ASAP1: variants seen among roughly 807,000 people sequenced by gnomAD.
The protein encoded by ASAP1 is ArfGAP with SH3 domain, ankyrin repeat and PH domain 1, also known as arf-GAP with SH3 domain, ANK repeat and PH domain-containing protein 1.
In ASAP1, 43 loss-of-function variants were observed where a neutral mutation model predicts 145.2. That is an observed-to-expected ratio of 0.30 (90% CI 0.23 to 0.38). ASAP1 has a LOEUF of 0.38. Ranked by LOEUF, ASAP1 falls within the 10% of genes least tolerant of loss-of-function variation. The pLI, the probability that ASAP1 is intolerant of heterozygous loss-of-function variation, is 1.00. For synonymous variants in ASAP1, 546 were observed against 515.5 expected (o/e 1.06, Z -0.80); for missense variants, 1,018 against 1,355.3 (o/e 0.75, Z 3.91).
At chr8:130,263,523 G>A (rs1820065038) in intron 3 of ASAP1, among the ~76,000 whole-genome samples, 1 of 152,336 alleles carries the variant, frequency 6.6e-6, no homozygotes, top group Admixed American at 6.5e-5. Flanking sequence ...GAGACACCAG[G>A]AGGTGGCTGG....
intron 12 of ASAP1, among the ~76,000 whole-genome samples, chr8:130,155,346 C>T (rs1364591913): frequency 1.3e-5 from 2 of 152,168 alleles, no homozygotes; most frequent in Non-Finnish European, 2.9e-5. Context: ...TCTCCTGGCA[C>T]AGTTGAGAGC....
At chr8:130,065,300 C>T (rs1357798984) in intron 27 of ASAP1, among the ~76,000 whole-genome samples, 4 of 152,276 alleles carry the variant, frequency 2.6e-5, no homozygotes, top group South Asian at 2.1e-4. Context: ...GGGGGTGTGT[C>T]GCCCTCCCGG....
intron 2 of ASAP1, among the ~76,000 whole-genome samples, chr8:130,360,003 G>A (rs1446006502): frequency 6.6e-6 from 1 of 152,220 alleles, no homozygotes; most frequent in Non-Finnish European, 1.5e-5. Context: ...CAGGGATCTT[G>A]TCTTAGCCTT....
intron 18 of ASAP1, among the ~76,000 whole-genome samples, chr8:130,122,833 T>G (rs2135699961): frequency 6.6e-6 from 1 of 152,322 alleles, no homozygotes; most frequent in South Asian, 2.1e-4. Context: ...GCTTCCCACA[T>G]GAGAAACAGG....
chr8:130,066,394 A>ATC (rs1421495643), intron 27 of ASAP1, among the ~76,000 whole-genome samples: 3 of 152,178 alleles, frequency 2.0e-5, no homozygotes, highest in Admixed American at 6.5e-5. Context: ...CTAATTAAAT[A>ATC]GAGACAGGGT....
At chr8:130,327,417 T>C (rs557120981) in intron 3 of ASAP1, among the ~76,000 whole-genome samples, 195 of 152,264 alleles carry the variant, frequency 1.3e-3, no homozygotes, top group Middle Eastern at 0.01. Flanking sequence ...TATGGTGTGA[T>C]AGCAGCTCTA....
intron 11 of ASAP1, chr8:130,163,221 G>C: frequency 6.6e-6 from 1 of 152,138 alleles, no homozygotes; most frequent in Non-Finnish European, 1.5e-5. Flanking sequence ...CTTAACCTTT[G>C]CTAACCTTTA....
intron 2 of ASAP1, among the ~76,000 whole-genome samples, chr8:130,376,698 C>T (rs1028958093): frequency 1.4e-4 from 21 of 151,908 alleles, no homozygotes; most frequent in Admixed American, 1.2e-3. Context: ...AGCACTCCAG[C>T]CTGGCAACAG....
intron 2 of ASAP1, among the ~76,000 whole-genome samples, chr8:130,360,120 G>A (rs184613484): frequency 2.0e-5 from 3 of 152,288 alleles, no homozygotes; most frequent in Admixed American, 6.5e-5. Flanking sequence ...TAATGCCAAG[G>A]CCCCTGCTCT....
At chr8:130,295,081 T>C (rs373841964) in intron 3 of ASAP1, among the ~76,000 whole-genome samples, 2 of 152,244 alleles carry the variant, frequency 1.3e-5, no homozygotes, top group African/African-American at 4.8e-5. Flanking sequence ...CTGGGCAATA[T>C]AGCGCAACCC....
intron 15 of ASAP1, among the ~76,000 whole-genome samples, chr8:130,131,603 GAAAAAAAAAA>G (rs1159191172): frequency 1.6e-5 from 1 of 63,106 alleles, no homozygotes; most frequent in Admixed American, 1.9e-4. Flanking sequence ...CATGGCTACT[GAAAAAAAAAA>G]AAAAAAAAAA....
intron 2 of ASAP1, among the ~76,000 whole-genome samples, chr8:130,389,114 T>C (rs540213705): frequency 1.3e-5 from 2 of 152,112 alleles, no homozygotes; most frequent in South Asian, 2.1e-4. Flanking sequence ...CATTAGCTAT[T>C]AGTATTGTTG....
intron 13 of ASAP1, among the ~76,000 whole-genome samples, chr8:130,150,452 C>A (rs1245505642): frequency 6.6e-6 from 1 of 152,194 alleles, no homozygotes; most frequent in African/African-American, 2.4e-5. Flanking sequence ...ACAGCAGATT[C>A]CTAAGAAAAG....
intron 3 of ASAP1, among the ~76,000 whole-genome samples, chr8:130,337,400 C>G (rs1052824707): frequency 6.6e-6 from 1 of 152,150 alleles, no homozygotes; most frequent in African/African-American, 2.4e-5. Flanking sequence ...ATCAAGGCAA[C>G]TTTTTGCTTT....
intron 2 of ASAP1, among the ~76,000 whole-genome samples, chr8:130,380,952 C>T (rs1441757396): frequency 6.6e-6 from 1 of 152,052 alleles, no homozygotes; most frequent in African/African-American, 2.4e-5. Flanking sequence ...TGGCGTGATC[C>T]TGGCTCACTG....
At chr8:130,335,309 CCTCA>C (rs978051004) in intron 3 of ASAP1, among the ~76,000 whole-genome samples, 2 of 152,158 alleles carry the variant, frequency 1.3e-5, no homozygotes, top group African/African-American at 4.8e-5. Flanking sequence ...TTCATGTAAT[CCTCA>C]CTGTCATTCA....
At chr8:130,156,607 C>T (rs1017991424) in intron 12 of ASAP1, among the ~76,000 whole-genome samples, 1 of 152,236 alleles carries the variant, frequency 6.6e-6, no homozygotes, top group Non-Finnish European at 1.5e-5. Context: ...TTATGCCTTG[C>T]ATATCCTTAG....
chr8:130,065,433 C>A (rs1305465803), intron 27 of ASAP1, among the ~76,000 whole-genome samples: 1 of 152,154 alleles, frequency 6.6e-6, no homozygotes, highest in Non-Finnish European at 1.5e-5. Context: ...ATTCCTTCCC[C>A]CAGGGTATAG....
intron 2 of ASAP1, among the ~76,000 whole-genome samples, chr8:130,368,314 T>C (rs1586920697): frequency 6.6e-6 from 1 of 152,216 alleles, no homozygotes; most frequent in Non-Finnish European, 1.5e-5. Flanking sequence ...AATAAACTAC[T>C]TTTCTCCCGA....
Sources: gnomAD v4.1 joint callset for allele counts (sites outside exome capture counted in the v4.1 genomes callset) on GRCh38, gnomAD v4.1.1 for gene constraint, MANE v1.5 for transcripts, NCBI Gene and HGNC (gene_info 2026-07-23, HGNC 2026-07-21) for gene names.